Variants in ZNRF2 observed in about 807,000 individuals in gnomAD.
The protein encoded by ZNRF2 is zinc and ring finger 2.
A neutral mutation model predicts 20.4 loss-of-function variants in ZNRF2; 16 were observed. The ratio of observed to expected loss-of-function variants is 0.79; its 90% CI spans 0.53 to 1.19. The LOEUF (loss-of-function observed/expected upper bound fraction) is 1.19, where lower values mean the gene tolerates loss of function less well. Among genes scored for constraint, ZNRF2 ranks in the 50% most tolerant of loss-of-function variants. The probability of loss-of-function intolerance (pLI) is 0.00; values close to 1 mark genes in which losing one functional copy is unlikely to be tolerated. For missense variants in ZNRF2, 363 were observed against 332.4 expected (o/e 1.09, Z -0.72); for synonymous variants, 178 against 144.9 (o/e 1.23, Z -1.64).
intron 1 of ZNRF2, among the ~76,000 whole-genome samples, chr7:30,319,149 T>C (rs899459355): frequency 6.6e-6 from 1 of 152,032 alleles, no homozygotes; most frequent in Non-Finnish European, 1.5e-5. Flanking sequence ...ACTGTACTCT[T>C]TATTTTTAGA....
At chr7:30,345,376 T>C (rs139862229) in intron 2 of ZNRF2, among the ~76,000 whole-genome samples, 11 of 152,230 alleles carry the variant, frequency 7.2e-5, no homozygotes, top group African/African-American at 2.6e-4. Flanking sequence ...GATCTCATCC[T>C]TGTATGTGCT....
chr7:30,362,511 A>G, intron 4 of ZNRF2, 55 bp downstream of exon 4: 1 of 1,101,312 alleles, frequency 9.1e-7, no homozygotes, highest in South Asian at 1.5e-5. Context: ...TACATTCTAA[A>G]CTATAATTTT....
intron 1 of ZNRF2, among the ~76,000 whole-genome samples, chr7:30,314,229 G>C (rs1046268611): frequency 3.3e-5 from 5 of 152,114 alleles, no homozygotes; most frequent in African/African-American, 7.2e-5. Flanking sequence ...AAATACCCAT[G>C]TTGCTCAAGA....
At chr7:30,293,759 G>A (rs1222310456) in intron 1 of ZNRF2, among the ~76,000 whole-genome samples, 3 of 152,164 alleles carry the variant, frequency 2.0e-5, no homozygotes, top group Non-Finnish European at 4.4e-5. Flanking sequence ...TTCGAGTAAT[G>A]TCACCTATCA....
chr7:30,289,698 T>C (rs368309712), intron 1 of ZNRF2: 8 of 489,238 alleles, frequency 1.6e-5, no homozygotes, highest in African/African-American at 1.6e-4. Context: ...TTGGGAATTT[T>C]TTGGAATTAT....
chr7:30,291,047 A>G (rs1314804215), intron 1 of ZNRF2, among the ~76,000 whole-genome samples: 1 of 152,218 alleles, frequency 6.6e-6, no homozygotes, highest in East Asian at 1.9e-4. Context: ...AGGCTGGTCA[A>G]AAAATGCTTC....
intron 1 of ZNRF2, 105 bp from the exon 2 acceptor site, chr7:30,323,537 G>A (rs1799507839): frequency 1.5e-6 from 1 of 684,908 alleles, no homozygotes; most frequent in East Asian, 2.9e-5. Context: ...AATGCAGTAA[G>A]TGTAATATTG....
chr7:30,341,323 A>T (rs1364047844), intron 2 of ZNRF2, among the ~76,000 whole-genome samples: 4 of 151,392 alleles, frequency 2.6e-5, no homozygotes, highest in Non-Finnish European at 4.4e-5. Context: ...TTTAATTTTG[A>T]TGTTAGGGTG....
intron 3 of ZNRF2, 134 bp downstream of exon 3, chr7:30,355,967 C>CT (rs1800030079): frequency 1.4e-5 from 8 of 578,730 alleles, no homozygotes; most frequent in Non-Finnish European, 2.1e-5. Flanking sequence ...ACTTAATGAT[C>CT]TTTTTTCTCT....
At chr7:30,362,722 C>CTGGA (rs539961694) in intron 4 of ZNRF2, among the ~76,000 whole-genome samples, 108 of 152,254 alleles carry the variant, frequency 7.1e-4, no homozygotes, top group African/African-American at 2.5e-3. Flanking sequence ...CAAGACCAGC[C>CTGGA]TGGCCAACAT....
chr7:30,288,012 TG>T (rs1413133511), intron 1 of ZNRF2, among the ~76,000 whole-genome samples: 1 of 152,168 alleles, frequency 6.6e-6, no homozygotes, highest in Non-Finnish European at 1.5e-5. Flanking sequence ...GGCAGGGAGA[TG>T]GAATACATTT....
intron 1 of ZNRF2, among the ~76,000 whole-genome samples, chr7:30,306,144 A>C (rs1033693995): frequency 1.3e-5 from 2 of 152,206 alleles, no homozygotes; most frequent in African/African-American, 4.8e-5. Context: ...TTTGGCTTAA[A>C]GTGCTCTGCA....
intron 2 of ZNRF2, among the ~76,000 whole-genome samples, chr7:30,332,576 TG>T (rs1213976050): frequency 6.6e-6 from 1 of 152,216 alleles, no homozygotes; most frequent in African/African-American, 2.4e-5. Context: ...TCTTTATGTC[TG>T]TGTGTACCCA....
At position 30,366,120 on chromosome 7, in the gene ZNRF2, C is replaced by T. The variant is rs1469598135; in HGVS notation, c.*108C>T. 2 of 152,514 alleles carry T rather than the reference C, an allele frequency of 1.3e-5. No homozygotes were observed. Among genetic ancestry groups the T allele is most frequent in the African/African-American group, 2.4e-5 (1 of 41,406 alleles). The allele number at this position is 152,514 out of a possible 1,614,324, so 9.4% of individuals were successfully genotyped here. Reference sequence around the variant, plus strand: ...GAAACAAAGACGCAGGCATACTCAGCCAGAAATCTGAGTTTTGTGAGACTT... The same window carrying T: ...GAAACAAAGACGCAGGCATACTCAGTCAGAAATCTGAGTTTTGTGAGACTT... On this transcript the variant is annotated 3_prime_UTR_variant, in exon 5 of 5. Coordinates refer to ENST00000323037, the MANE Select transcript of ZNRF2 (RefSeq NM_147128.4).
chr7:30,351,631 A>T (rs781005331), intron 2 of ZNRF2, among the ~76,000 whole-genome samples: 1 of 152,026 alleles, frequency 6.6e-6, no homozygotes, highest in Non-Finnish European at 1.5e-5. Context: ...GAAGTAGGAA[A>T]AATGCCAAGG....
At chr7:30,326,463 G>T (rs1799553582) in intron 2 of ZNRF2, among the ~76,000 whole-genome samples, 1 of 152,148 alleles carries the variant, frequency 6.6e-6, no homozygotes, top group Admixed American at 6.6e-5. Context: ...CAGAGGACAT[G>T]ATCTTCTTTT....
At chr7:30,296,311 A>T (rs1799019675) in intron 1 of ZNRF2, among the ~76,000 whole-genome samples, 1 of 152,222 alleles carries the variant, frequency 6.6e-6, no homozygotes. Flanking sequence ...CTGTGCTTAT[A>T]GCTCTTTTAT....
chr7:30,290,168 T>C (rs112383221), intron 1 of ZNRF2, among the ~76,000 whole-genome samples: 2,824 of 152,364 alleles, frequency 0.019, 32 homozygotes, highest in South Asian at 0.038. Context: ...AATGTTAGTC[T>C]GTGTTTTAAT....
intron 1 of ZNRF2, among the ~76,000 whole-genome samples, chr7:30,306,926 A>G (rs1799215924): frequency 1.3e-5 from 2 of 152,048 alleles, no homozygotes; most frequent in African/African-American, 4.8e-5. Context: ...TTTATTTGCT[A>G]TTTTATTCTG....
Sources: gnomAD v4.1 joint callset for allele counts (sites outside exome capture counted in the v4.1 genomes callset) on GRCh38, gnomAD v4.1.1 for gene constraint, MANE v1.5 for transcripts, NCBI Gene and HGNC (gene_info 2026-07-23, HGNC 2026-07-21) for gene names.